The following OTUD7A variants were observed in gnomAD, a reference collection of about 807,000 sequenced individuals.
The protein encoded by OTUD7A is OTU deubiquitinase 7A, also known as OTU domain-containing protein 7A.
OTUD7A carries 12 observed loss-of-function variants against 65.7 expected under a neutral mutation model. The ratio of observed to expected loss-of-function variants is 0.18; its 90% CI spans 0.12 to 0.30. The LOEUF is 0.30. Among genes scored for constraint, OTUD7A ranks in the 10% least tolerant of loss-of-function variants. The pLI is 1.00. For synonymous variants in OTUD7A, 641 were observed against 586.3 expected, an observed-to-expected ratio of 1.09 and a Z score of -1.35; for missense variants, 1,148 against 1,304.8, an observed-to-expected ratio of 0.88 and a Z score of 1.85.
At chr15:31,765,459 G>T (rs1895072323) in intron 1 of OTUD7A, among the ~76,000 whole-genome samples, 3 of 152,066 alleles carry the variant, frequency 2.0e-5, no homozygotes, top group Non-Finnish European at 4.4e-5. Context: ...CCCTAACACA[G>T]CTCAGTTTTC....
intron 1 of OTUD7A, among the ~76,000 whole-genome samples, chr15:31,802,141 G>GTGTGTATA (rs553698632): frequency 0.025 from 3,600 of 142,398 alleles, 49 homozygotes; most frequent in South Asian, 0.044. Context: ...GTGTGTGTGT[G>GTGTGTATA]TATATATATA....
At chr15:31,769,438 T>A (rs1289425036) in intron 1 of OTUD7A, among the ~76,000 whole-genome samples, 1 of 152,236 alleles carries the variant, frequency 6.6e-6, no homozygotes, top group African/African-American at 2.4e-5. Flanking sequence ...TACTTACGCA[T>A]GACACAGCAA....
rs570619380 is a variant in OTUD7A, at chr15:31,648,343, T to C, written c.151+6753A>G. Reference sequence around the variant, plus strand: ...AGGGAAGTTTAAGTCACAGAATAGATCAAAGTTCCCACAGAGACTAAAGAT... The same window carrying C: ...AGGGAAGTTTAAGTCACAGAATAGACCAAAGTTCCCACAGAGACTAAAGAT... On this transcript the variant is annotated intron_variant, in intron 3 of 12. Transcript: ENST00000307050. 7.2e-5 allele frequency among the ~76,000 whole-genome samples: 11 copies of C among 152,078 alleles called. No homozygotes were observed. In the South Asian group the frequency reaches 2.3e-3, roughly 32 times the overall value.
Position 31,501,795 on chromosome 15 carries a change from C to A in OTUD7A, c.1066G>T (p.Val356Phe), listed in dbSNP as rs1199766537. ...GAGCAGTGGCATCTGTTGGGAGGGA[C>A]CTCCAAGGGCAGGTAGATCCCTCCG... is the stretch of plus-strand genomic sequence containing the variant. ...PFGGIYLPLE[V>F]PPNRCHCSPL... Residue 356 changes from valine (V) to phenylalanine (F), a missense_variant, in exon 10 of 13, where the codon GTC (valine) becomes TTC (phenylalanine). By Grantham distance (50) the Val-to-Phe change is conservative. Coordinates refer to ENST00000307050, the MANE Select transcript of OTUD7A (RefSeq NM_001382637.1). 6.2e-7 allele frequency: 1 copy of A among 1,614,062 alleles called. No individual in the cohort carries two copies. The highest frequency in any genetic ancestry group is 8.5e-7 in the Non-Finnish European group (1 of 1,179,968).
intron 1 of OTUD7A, among the ~76,000 whole-genome samples, chr15:31,869,829 C>G (rs981109838): frequency 1.3e-5 from 2 of 152,218 alleles, no homozygotes; most frequent in Admixed American, 1.3e-4. Context: ...ATGATGACAT[C>G]ACTGACATCT....
intron 1 of OTUD7A, among the ~76,000 whole-genome samples, chr15:31,861,139 A>G (rs1314305343): frequency 6.6e-6 from 1 of 152,086 alleles, no homozygotes; most frequent in Non-Finnish European, 1.5e-5. Context: ...CTAATTTTGT[A>G]CAGAATCATG....
chr15:31,568,913 A>G (rs1248639868), intron 4 of OTUD7A, among the ~76,000 whole-genome samples: 1 of 152,228 alleles, frequency 6.6e-6, no homozygotes, highest in Non-Finnish European at 1.5e-5. Context: ...CCTCCCCAGA[A>G]GCTGAGCAGA....
intron 8 of OTUD7A, among the ~76,000 whole-genome samples, chr15:31,524,844 T>C (rs1267508900): frequency 6.6e-6 from 1 of 152,132 alleles, no homozygotes; most frequent in Non-Finnish European, 1.5e-5. Context: ...CTGTGGGAGA[T>C]AGGGACAGAC....
Position 31,524,175 on chromosome 15 carries a change from A to G in OTUD7A, c.893+2174T>C, listed in dbSNP as rs2041978075. Among the ~76,000 whole-genome samples, 3 of 151,776 alleles carry G rather than the reference A, an allele frequency of 2.0e-5. No individual in the cohort carries two copies. In the South Asian group the frequency reaches 6.2e-4, roughly 32 times the overall value. On this transcript the variant is annotated intron_variant, in intron 8 of 12. Coordinates refer to ENST00000307050, the MANE Select transcript of OTUD7A (RefSeq NM_001382637.1). ...TTCCCTTTTTCTTTCTCCACTGGAA[A>G]CACCTGTTGCTGAAACCCTAGAAAT...
At chr15:31,507,809 G>A (rs1028391127) in intron 8 of OTUD7A, among the ~76,000 whole-genome samples, 2 of 152,136 alleles carry the variant, frequency 1.3e-5, no homozygotes, top group Admixed American at 1.3e-4. Flanking sequence ...TAGCTACAGA[G>A]TGCTGATTGG....
chr15:31,642,562 T>A (rs1171697291), intron 3 of OTUD7A, among the ~76,000 whole-genome samples: 1 of 151,996 alleles, frequency 6.6e-6, no homozygotes, highest in East Asian at 1.9e-4. Context: ...TAGATTTCTT[T>A]AATAAATATA....
At chr15:31,519,453 C>T (rs1482363525) in intron 8 of OTUD7A, among the ~76,000 whole-genome samples, 2 of 152,196 alleles carry the variant, frequency 1.3e-5, no homozygotes, top group African/African-American at 4.8e-5. Context: ...TTCAGCATCA[C>T]TTCATGATGA....
rs1889900939 is a variant in OTUD7A at position 31,596,273 on chromosome 15, A to C, written c.152-26076T>G. Among the ~76,000 whole-genome samples, 2 of 152,148 alleles carry C rather than the reference A, an allele frequency of 1.3e-5. 1 individual carries two copies. The highest frequency in any genetic ancestry group is 4.1e-4 in the South Asian group (2 of 4,824). ...TCCGTGTCTCTCCTGGTGTGCTCAG[A>C]ATAAGGTCTCTAGTTTCATCTGTGT... is the stretch of plus-strand genomic sequence containing the variant. On this transcript the variant is annotated intron_variant, in intron 3 of 12. Transcript: ENST00000307050.
At chr15:31,611,454 T>A (rs111499024) in intron 3 of OTUD7A, among the ~76,000 whole-genome samples, 3,132 of 152,068 alleles carry the variant, frequency 0.021, 98 homozygotes, top group African/African-American at 0.072. Context: ...CCAAATAACC[T>A]CATTAAGAAA....
chr15:31,808,140 C>CACACA (rs1272100227), intron 1 of OTUD7A, among the ~76,000 whole-genome samples: 1 of 140,300 alleles, frequency 7.1e-6, no homozygotes, highest in Non-Finnish European at 1.6e-5. Flanking sequence ...CACACACAAA[C>CACACA]AAATCCTCAC....
intron 3 of OTUD7A, among the ~76,000 whole-genome samples, chr15:31,597,209 T>C (rs1010021630): frequency 1.8e-4 from 27 of 152,192 alleles, no homozygotes; most frequent in African/African-American, 6.5e-4. Context: ...ATTATAGGTG[T>C]GAGCCACTGT....
In OTUD7A at chr15:31,780,919, T is replaced by C. The variant is rs542604479; in HGVS notation, c.-100+89588A>G. ...CACAGGGGAAGGAATACAGTGACTG[T>C]AGGTACAAATATTCTTGATGTACTG... On this transcript the variant is annotated intron_variant, in intron 1 of 12. Transcript: ENST00000307050. Among the ~76,000 whole-genome samples the C allele has an allele frequency of 5.3e-5, 8 of 152,362 alleles. No individual in the cohort carries two copies. In the South Asian group the frequency reaches 6.2e-4, roughly 12 times the overall value.
At chr15:31,569,672 C>T (rs1321227083) in intron 4 of OTUD7A, among the ~76,000 whole-genome samples, 1 of 152,176 alleles carries the variant, frequency 6.6e-6, no homozygotes, top group African/African-American at 2.4e-5. Context: ...TGATGCTGAA[C>T]AGACTTGGAG....
At chr15:31,612,861 A>G (rs2141225352) in intron 3 of OTUD7A, among the ~76,000 whole-genome samples, 1 of 152,292 alleles carries the variant, frequency 6.6e-6, no homozygotes, top group South Asian at 2.1e-4. Context: ...AAAAGAACAA[A>G]TCTGGAGGCA....
Sources: gnomAD v4.1 joint callset for allele counts (sites outside exome capture counted in the v4.1 genomes callset) on GRCh38, gnomAD v4.1.1 for gene constraint, MANE v1.5 for transcripts, NCBI Gene and HGNC (gene_info 2026-07-23, HGNC 2026-07-21) for gene names.